OPCML: variants seen among roughly 807,000 people sequenced by gnomAD.
The protein encoded by OPCML is opioid-binding protein/cell adhesion molecule.
In OPCML, 13 loss-of-function variants were observed where a neutral mutation model predicts 37.8. The observed-to-expected ratio is 0.34, with a 90% CI of 0.22 to 0.55. The LOEUF is 0.55. OPCML is among the 20% of genes least tolerant of loss of function. The pLI, the probability that OPCML is intolerant of heterozygous loss-of-function variation, is 0.91. For synonymous variants in OPCML, 176 were observed against 168.8 expected (o/e 1.04, Z -0.33); for missense variants, 341 against 435.6 (o/e 0.78, Z 1.93).
In OPCML at chr11:133,203,807, C is replaced by T. The variant is rs144480823; in HGVS notation, c.62-260797G>A. ...GGTGCCGTGGCTTACTCCTGTAATC[C>T]CAGTACTTTGGGAGGCTGAGGCGGG... On this transcript the variant is annotated intron_variant, in intron 1 of 7. Coordinates refer to ENST00000524381, the MANE Select transcript of OPCML (RefSeq NM_001012393.5). 5.9e-3 allele frequency among the ~76,000 whole-genome samples: 897 copies of T among 152,072 alleles called. 14 individuals are homozygous for T. Among genetic ancestry groups the T allele is most frequent in the African/African-American group, 0.021 (852 of 41,494 alleles).
intron 2 of OPCML, among the ~76,000 whole-genome samples, chr11:132,899,142 G>A (rs1480817834): frequency 6.6e-6 from 1 of 152,174 alleles, no homozygotes; most frequent in Non-Finnish European, 1.5e-5. Flanking sequence ...ACCATGACCA[G>A]CTGAGGTGCT....
At chr11:132,736,129 A>G (rs1945248153) in intron 2 of OPCML, among the ~76,000 whole-genome samples, 1 of 152,160 alleles carries the variant, frequency 6.6e-6, no homozygotes, top group African/African-American at 2.4e-5. Context: ...GGTACAATTG[A>G]CAGTGATTAT....
intron 1 of OPCML, among the ~76,000 whole-genome samples, chr11:133,232,561 A>T (rs1047934754): frequency 6.6e-6 from 1 of 151,610 alleles, no homozygotes; most frequent in Non-Finnish European, 1.5e-5. Context: ...TGTGAATCTC[A>T]TGTGAAATTA....
chr11:132,849,399 T>C (rs1162491042), intron 2 of OPCML, among the ~76,000 whole-genome samples: 1 of 152,238 alleles, frequency 6.6e-6, no homozygotes, highest in African/African-American at 2.4e-5. Context: ...TGGTAGGCAC[T>C]GAGGAGACCC....
chr11:132,709,440 A>T (rs796396622), intron 2 of OPCML, among the ~76,000 whole-genome samples: 3 of 152,314 alleles, frequency 2.0e-5, no homozygotes, highest in African/African-American at 7.2e-5. Context: ...TTCATTATTT[A>T]GATTTCCTTA....
chr11:132,485,278 C>A (rs778043196), intron 4 of OPCML, among the ~76,000 whole-genome samples: 3 of 152,076 alleles, frequency 2.0e-5, no homozygotes, highest in Non-Finnish European at 4.4e-5. Flanking sequence ...GTGTTTATGA[C>A]AGTCCAGGAC....
intron 1 of OPCML, among the ~76,000 whole-genome samples, chr11:133,504,236 C>T (rs534502333): frequency 6.6e-6 from 1 of 152,316 alleles, no homozygotes; most frequent in African/African-American, 2.4e-5. Context: ...TCACGGAGAA[C>T]CCCCAAATCC....
chr11:133,407,687 G>T (rs1945554336), intron 1 of OPCML, among the ~76,000 whole-genome samples: 1 of 152,190 alleles, frequency 6.6e-6, no homozygotes, highest in South Asian at 2.1e-4. Context: ...TTTTCTCTGG[G>T]TTATAATTGC....
chr11:132,906,989 A>T (rs1292242878), intron 2 of OPCML, among the ~76,000 whole-genome samples: 1 of 152,184 alleles, frequency 6.6e-6, no homozygotes, highest in Non-Finnish European at 1.5e-5. Flanking sequence ...GACAAGGCAA[A>T]TATGCTGGCT....
At chr11:132,464,264 C>T (rs762086736) in intron 4 of OPCML, among the ~76,000 whole-genome samples, 1 of 151,902 alleles carries the variant, frequency 6.6e-6, no homozygotes, top group Middle Eastern at 3.2e-3. Flanking sequence ...CTGTCGCAGA[C>T]TGCCACATGG....
chr11:133,023,557 A>G (rs1947493460), intron 1 of OPCML, among the ~76,000 whole-genome samples: 1 of 152,198 alleles, frequency 6.6e-6, no homozygotes, highest in Non-Finnish European at 1.5e-5. Context: ...GCAGAAATCA[A>G]TAACTGGTTT....
intron 2 of OPCML, among the ~76,000 whole-genome samples, chr11:132,933,821 G>A (rs889278773): frequency 7.9e-5 from 12 of 152,086 alleles, no homozygotes; most frequent in Non-Finnish European, 1.5e-4. Context: ...AAAAGCACAC[G>A]GCGGTACAAA....
At chr11:132,768,700 C>T (rs541370815) in intron 2 of OPCML, among the ~76,000 whole-genome samples, 1 of 152,234 alleles carries the variant, frequency 6.6e-6, no homozygotes, top group East Asian at 1.9e-4. Context: ...GCCACTATCT[C>T]CTTTCACACT....
At chr11:132,523,777 A>C (rs930909746) in intron 4 of OPCML, among the ~76,000 whole-genome samples, 4 of 152,226 alleles carry the variant, frequency 2.6e-5, no homozygotes, top group Non-Finnish European at 4.4e-5. Flanking sequence ...ACAAATACAC[A>C]AAGTACAACC....
intron 1 of OPCML, among the ~76,000 whole-genome samples, chr11:133,439,746 T>C (rs111732842): frequency 0.019 from 2,955 of 152,174 alleles, 100 homozygotes; most frequent in African/African-American, 0.065. Context: ...GGATTGCAGG[T>C]GTGAGCCACC....
intron 4 of OPCML, among the ~76,000 whole-genome samples, chr11:132,499,045 G>T (rs2096240073): frequency 6.6e-6 from 1 of 152,228 alleles, no homozygotes; most frequent in South Asian, 2.1e-4. Flanking sequence ...CTGTGAGTGT[G>T]CTTCCCCGTG....
rs1202177307 is a variant in OPCML at position 132,452,539 on chromosome 11, G to T, written c.506-15180C>A. Among the ~76,000 whole-genome samples, 8 of 128,162 alleles carry T rather than the reference G, an allele frequency of 6.2e-5. No homozygotes were observed. The South Asian group carries it at 2.3e-3, about 37-fold the overall frequency. 84.1% of individuals were successfully genotyped at this position (128,162 alleles called of 152,430 possible). On this transcript the variant is annotated intron_variant, in intron 4 of 7. Transcript: ENST00000524381. ...CTTCCTTCCTTCTTTCAGCCTGCCT[G>T]CCTGCCTGCCTTCCTTTTTTCCTTC... is the stretch of plus-strand genomic sequence containing the variant.
At chr11:133,252,727 C>CT (rs1941175777) in intron 1 of OPCML, among the ~76,000 whole-genome samples, 2 of 151,752 alleles carry the variant, frequency 1.3e-5, no homozygotes, top group African/African-American at 2.4e-5. Context: ...GCTTTTTTTT[C>CT]TTTTTTTCCC....
intron 2 of OPCML, among the ~76,000 whole-genome samples, chr11:132,715,245 T>C (rs1282279552): frequency 6.6e-6 from 1 of 152,246 alleles, no homozygotes; most frequent in African/African-American, 2.4e-5. Flanking sequence ...CTTACTCATC[T>C]GTTCAACACA....
Sources: gnomAD v4.1 joint callset for allele counts (sites outside exome capture counted in the v4.1 genomes callset) on GRCh38, gnomAD v4.1.1 for gene constraint, MANE v1.5 for transcripts, NCBI Gene and HGNC (gene_info 2026-07-23, HGNC 2026-07-21) for gene names.